Variants in PDZRN4 observed in about 807,000 individuals in gnomAD.
PDZRN4 encodes PDZ domain containing ring finger 4.
Under a neutral mutation model 99.0 loss-of-function variants are expected in PDZRN4, and 70 were observed. The observed-to-expected ratio is 0.71, with a 90% CI of 0.58 to 0.86. PDZRN4 has a LOEUF of 0.86. Ranked by LOEUF, PDZRN4 falls within the 40% of genes least tolerant of loss-of-function variation. PDZRN4 has a pLI of 0.00. For missense variants in PDZRN4, 1,474 were observed against 1,331.2 expected, an observed-to-expected ratio of 1.11 and a Z score of -1.67; for synonymous variants, 551 against 501.6, an observed-to-expected ratio of 1.10 and a Z score of -1.32.
chr12:41,269,119 G>A (rs76272401), intron 3 of PDZRN4, among the ~76,000 whole-genome samples: 27,081 of 152,064 alleles, frequency 0.18, 2,897 homozygotes, highest in Non-Finnish European at 0.24. Context: ...TGCAGCTAGG[G>A]TCCTACAGCA....
chr12:41,241,450 A>G (rs909714899), intron 3 of PDZRN4, among the ~76,000 whole-genome samples: 1 of 152,234 alleles, frequency 6.6e-6, no homozygotes, highest in Non-Finnish European at 1.5e-5. Flanking sequence ...CCTTAAGCGA[A>G]AGAGCGTGGG....
intron 3 of PDZRN4, among the ~76,000 whole-genome samples, chr12:41,255,403 A>G (rs1951197334): frequency 6.6e-6 from 1 of 152,076 alleles, no homozygotes; most frequent in Non-Finnish European, 1.5e-5. Flanking sequence ...AAACCTTAAC[A>G]GAAAGTTTTG....
chr12:41,454,274 G>A (rs922455962), intron 3 of PDZRN4, among the ~76,000 whole-genome samples: 1 of 152,184 alleles, frequency 6.6e-6, no homozygotes, highest in African/African-American at 2.4e-5. Flanking sequence ...ATTATTGAAT[G>A]TGTTAGGGGA....
intron 5 of PDZRN4, among the ~76,000 whole-genome samples, chr12:41,527,145 G>A (rs1938582528): frequency 6.6e-6 from 1 of 152,188 alleles, no homozygotes; most frequent in Non-Finnish European, 1.5e-5. Flanking sequence ...GGGCAGTGAG[G>A]AAATGATACC....
intron 5 of PDZRN4, among the ~76,000 whole-genome samples, chr12:41,534,659 T>C (rs1330086861): frequency 6.6e-6 from 1 of 152,106 alleles, no homozygotes; most frequent in Non-Finnish European, 1.5e-5. Context: ...AATACTTAGG[T>C]TTTTTGTTTG....
intron 5 of PDZRN4, among the ~76,000 whole-genome samples, chr12:41,539,231 T>A (rs559557416): frequency 6.6e-6 from 1 of 152,156 alleles, no homozygotes; most frequent in South Asian, 2.1e-4. Flanking sequence ...AAAATGCATA[T>A]CTTCCTGCTT....
intron 5 of PDZRN4, among the ~76,000 whole-genome samples, chr12:41,539,359 A>G (rs1259190599): frequency 6.6e-6 from 1 of 152,090 alleles, no homozygotes; most frequent in Non-Finnish European, 1.5e-5. Context: ...TAGTAAATCT[A>G]TTTCACAGTT....
At chr12:41,330,797 C>A (rs1409329365) in intron 3 of PDZRN4, among the ~76,000 whole-genome samples, 1 of 151,986 alleles carries the variant, frequency 6.6e-6, no homozygotes, top group African/African-American at 2.4e-5. Flanking sequence ...CTTTATTTGC[C>A]TTTCTGGAAA....
At chr12:41,225,402 T>C (rs1261094056) in intron 3 of PDZRN4, among the ~76,000 whole-genome samples, 1 of 150,638 alleles carries the variant, frequency 6.6e-6, no homozygotes, top group Non-Finnish European at 1.5e-5. Context: ...ATCATTCATA[T>C]TGGGAAGTAT....
intron 4 of PDZRN4, among the ~76,000 whole-genome samples, chr12:41,509,259 G>A (rs886408398): frequency 6.6e-6 from 1 of 152,054 alleles, no homozygotes; most frequent in African/African-American, 2.4e-5. Flanking sequence ...ATCAAAGAGG[G>A]GAAAATGTGC....
intron 3 of PDZRN4, among the ~76,000 whole-genome samples, chr12:41,325,503 G>A (rs1167910524): frequency 6.6e-6 from 1 of 152,158 alleles, no homozygotes; most frequent in African/African-American, 2.4e-5. Context: ...GACGGGTTAT[G>A]CTAGGGAGGA....
chr12:41,564,213 A>G lies in PDZRN4; in HGVS notation c.1467+564A>G, dbSNP rs183126735. On this transcript the variant is annotated intron_variant, in intron 8 of 9. Transcript: ENST00000402685. Reference sequence around the variant, plus strand: ...CAATTAGAATGTCTTGTATAGCATGATCTGGTTCCATGTATAGTAAATGAA... The same window carrying G: ...CAATTAGAATGTCTTGTATAGCATGGTCTGGTTCCATGTATAGTAAATGAA... 5.9e-5 allele frequency among the ~76,000 whole-genome samples: 9 copies of G among 152,340 alleles called. 1 individual carries two copies. In the South Asian group the frequency reaches 1.9e-3, roughly 32 times the overall value.
chr12:41,440,790 T>TA (rs1351480115), intron 3 of PDZRN4, among the ~76,000 whole-genome samples: 4 of 152,196 alleles, frequency 2.6e-5, no homozygotes, highest in Admixed American at 6.6e-5. Context: ...ACACAGTTTT[T>TA]ATCTACAGTG....
chr12:41,331,484 T>C (rs1003596104), intron 3 of PDZRN4, among the ~76,000 whole-genome samples: 6 of 151,996 alleles, frequency 3.9e-5, no homozygotes, highest in Non-Finnish European at 5.9e-5. Flanking sequence ...TGTCAAGAGA[T>C]TGGCATTTAC....
chr12:41,196,437 A>G (rs1566351284), intron 3 of PDZRN4, among the ~76,000 whole-genome samples: 1 of 152,100 alleles, frequency 6.6e-6, no homozygotes, highest in Non-Finnish European at 1.5e-5. Context: ...ATTTGCAGTT[A>G]AGAAATGGGT....
chr12:41,267,982 G>A (rs1382152201), intron 3 of PDZRN4, among the ~76,000 whole-genome samples: 2 of 152,090 alleles, frequency 1.3e-5, no homozygotes, highest in Non-Finnish European at 2.9e-5. Context: ...GTGGCCCAGG[G>A]GAAGCCAGAG....
chr12:41,562,071 G>A (rs1939280349), intron 7 of PDZRN4, among the ~76,000 whole-genome samples: 1 of 151,964 alleles, frequency 6.6e-6, no homozygotes, highest in Non-Finnish European at 1.5e-5. Flanking sequence ...TTTCCTAATT[G>A]GATGAATTTT....
chr12:41,223,686 C>A (rs1018974836), intron 3 of PDZRN4, among the ~76,000 whole-genome samples: 5 of 152,114 alleles, frequency 3.3e-5, no homozygotes, highest in Non-Finnish European at 4.4e-5. Flanking sequence ...AAGTAGTACT[C>A]AAGCCTGTAT....
At chr12:41,319,705 G>A (rs1309791310) in intron 3 of PDZRN4, among the ~76,000 whole-genome samples, 1 of 152,058 alleles carries the variant, frequency 6.6e-6, no homozygotes, top group Non-Finnish European at 1.5e-5. Flanking sequence ...GGACACCTTG[G>A]TTCTTTCAGA....
Sources: allele counts gnomAD v4.1 joint callset (sites outside exome capture counted in the v4.1 genomes callset), GRCh38; gene constraint gnomAD v4.1.1; transcripts MANE v1.5; gene names NCBI Gene and HGNC (gene_info 2026-07-23, HGNC 2026-07-21).